The following CHD2 variants were observed in gnomAD, a reference collection of about 807,000 sequenced individuals.
CHD2 encodes the protein chromodomain helicase DNA binding protein 2.
In CHD2, 28 loss-of-function variants were observed where a neutral mutation model predicts 243.9. The ratio of observed to expected loss-of-function variants is 0.11; its 90% CI spans 0.09 to 0.16. The LOEUF (loss-of-function observed/expected upper bound fraction) is 0.16. CHD2 is among the 10% of genes least tolerant of loss of function. CHD2 has a pLI of 1.00. For synonymous variants in CHD2, 775 were observed against 779.0 expected (o/e 0.99, Z 0.09); for missense variants, 1,386 against 2,209.8 (o/e 0.63, Z 7.47).
chr15:93,014,402 C>T (rs961324818), intron 36 of CHD2, among the ~76,000 whole-genome samples: 15 of 152,118 alleles, frequency 9.9e-5, no homozygotes, highest in East Asian at 5.8e-4. Flanking sequence ...CTGAGAGTGC[C>T]GCCAGCCTGG....
intron 2 of CHD2, chr15:92,901,746 A>T: frequency 3.6e-6 from 1 of 277,676 alleles, no homozygotes; most frequent in Non-Finnish European, 6.6e-6. Flanking sequence ...TTGTAGTAGT[A>T]AATTATAGTA....
chr15:92,919,181 A>C (rs576729484), intron 2 of CHD2, among the ~76,000 whole-genome samples: 4 of 145,810 alleles, frequency 2.7e-5, no homozygotes, highest in African/African-American at 7.6e-5. Context: ...TTTTTTTTTG[A>C]GACGGAGTCT....
chr15:92,900,407 CT>C lies in CHD2; in HGVS notation c.-486del, dbSNP rs1351337425. Reference sequence around the variant, plus strand: ...CCTGCCTTTGCCTCACTTTACGCAACTTTCCCTAACTTTCGGGCAGCCTCAG... The same window carrying C: ...CCTGCCTTTGCCTCACTTTACGCAACTTCCCTAACTTTCGGGCAGCCTCAG... On this transcript the variant is annotated 5_prime_UTR_variant, in exon 1 of 39. Transcript: ENST00000394196. 2.5e-6 allele frequency: 1 copy of C among 395,064 alleles called. No homozygotes were observed. Among genetic ancestry groups the C allele is most frequent in the Non-Finnish European group, 4.5e-6 (1 of 224,326 alleles). 24.5% of individuals were successfully genotyped at this position (395,064 alleles called of 1,614,324 possible).
At chr15:92,949,163 A>C (rs940661975) in intron 13 of CHD2, 87 bp downstream of exon 13, 2 of 1,573,840 alleles carry the variant, frequency 1.3e-6, no homozygotes, top group Non-Finnish European at 1.7e-6. Flanking sequence ...TTCTTTTTTC[A>C]CACCCTTATT....
chr15:92,967,250 A>G, intron 16 of CHD2, 75 bp from the exon 17 acceptor site: 2 of 1,083,806 alleles, frequency 1.8e-6, no homozygotes, highest in Non-Finnish European at 2.6e-6. Flanking sequence ...GGAAAGATTC[A>G]TTTTTTTACA....
chr15:92,990,537 A>G lies in CHD2; in HGVS notation c.3414-939A>G, dbSNP rs56329926. ...TTGTTATTTAGACATAAAATATTTC[A>G]GTGTCTGTCAAGAAGGAGAAATGCA... On this transcript the variant is annotated intron_variant, in intron 26 of 38. Coordinates refer to ENST00000394196, the MANE Select transcript of CHD2 (RefSeq NM_001271.4). 5.1e-3 allele frequency among the ~76,000 whole-genome samples: 772 copies of G among 152,336 alleles called. 8 individuals carry two copies. The highest frequency in any genetic ancestry group is 0.018 in the African/African-American group (743 of 41,572).
At position 92,997,298 on chromosome 15, in the gene CHD2, G is replaced by T. The variant is rs2054200635; in HGVS notation, c.3780G>T (p.Glu1260Asp). ...CRVKAAHFDV[E>D]WGVEDDSRLL... is the part of the protein sequence containing the mutation. The stretch of plus-strand genomic sequence containing the variant: ...TCAAAGCTGCACATTTTGATGTAGA[G>T]TGGGGGGTGGAAGATGATTCTCGCC... The change falls in exon 30 of 39, where the codon GAG becomes GAT. Residue 1260 changes from glutamate to aspartate, a missense_variant. By Grantham distance (45) the Glu-to-Asp change is conservative. Transcript: ENST00000394196. The surrounding 1 kb of genome is among the most constrained non-coding windows in gnomAD (Gnocchi z 4.1). 6.2e-7 allele frequency: 1 copy of T among 1,613,888 alleles called. No homozygotes were observed. The highest frequency in any genetic ancestry group is 8.5e-7 in the Non-Finnish European group (1 of 1,179,990).
chr15:92,922,203 C>T (rs1366754507), intron 2 of CHD2, among the ~76,000 whole-genome samples: 1 of 152,154 alleles, frequency 6.6e-6, no homozygotes, highest in Non-Finnish European at 1.5e-5. Context: ...AATCCCGGCC[C>T]CTCACCCTCT....
At chr15:92,903,708 AG>A (rs2052564444) in intron 2 of CHD2, among the ~76,000 whole-genome samples, 1 of 152,104 alleles carries the variant, frequency 6.6e-6, no homozygotes, top group Non-Finnish European at 1.5e-5. Context: ...GGATAACTTA[AG>A]TAACATCAAA....
Position 92,972,783 on chromosome 15 carries a change from G to A in CHD2, c.2505+366G>A, listed in dbSNP as rs1226047817. On this transcript the variant is annotated intron_variant, in intron 19 of 38. Transcript: ENST00000394196. ...GGAGAATGGCGTGAACCCGGGAGGC[G>A]GAGCTTGCAGTGAGCCGAGATCCCG... Among the ~76,000 whole-genome samples, 19 of 12,738 alleles carry A rather than the reference G, an allele frequency of 1.5e-3. 4 individuals are homozygous for A. Among genetic ancestry groups the A allele is most frequent in the African/African-American group, 2.2e-3 (19 of 8,518 alleles). 8.4% of individuals were successfully genotyped at this position (12,738 alleles called of 152,430 possible).
At chr15:92,919,048 G>C (rs2052901062) in intron 2 of CHD2, among the ~76,000 whole-genome samples, 1 of 152,082 alleles carries the variant, frequency 6.6e-6, no homozygotes, top group African/African-American at 2.4e-5. Context: ...TACAGGCTGG[G>C]TTTCACCGTG....
Position 92,923,499 on chromosome 15 carries a change from A to G in CHD2, c.63-822A>G, listed in dbSNP as rs183559472. Among the ~76,000 whole-genome samples the G allele has an allele frequency of 2.0e-3, 296 of 150,944 alleles. 1 individual carries two copies. The highest frequency in any genetic ancestry group is 6.3e-3 in the African/African-American group (257 of 41,026). On this transcript the variant is annotated intron_variant, in intron 2 of 38. Coordinates refer to ENST00000394196, the MANE Select transcript of CHD2 (RefSeq NM_001271.4). ...GGTCTTGAACTCCTGGGCTCAAGCA[A>G]TCTTCCTGCCTAGGCTTCCCAAAGT...
intron 38 of CHD2, among the ~76,000 whole-genome samples, chr15:93,023,918 A>G (rs879780297): frequency 1.4e-5 from 2 of 138,336 alleles, no homozygotes; most frequent in Non-Finnish European, 3.3e-5. Context: ...GCAGTTTACC[A>G]TGGTCCAAGC....
At chr15:92,991,784 C>T (rs530134631) in intron 27 of CHD2, 12 of 301,578 alleles carry the variant, frequency 4.0e-5, no homozygotes, top group East Asian at 1.1e-4. Flanking sequence ...AACCATAGTG[C>T]GTGAAATAAT....
At chr15:92,975,743 T>C (rs1164106129) in intron 20 of CHD2, among the ~76,000 whole-genome samples, 2 of 152,136 alleles carry the variant, frequency 1.3e-5, no homozygotes, top group Non-Finnish European at 2.9e-5. Flanking sequence ...CTGTGCCTGT[T>C]ACTACAGAAT....
At chr15:93,002,487 A>G (rs186209989) in intron 33 of CHD2, among the ~76,000 whole-genome samples, 170 bp downstream of exon 33, 2 of 152,304 alleles carry the variant, frequency 1.3e-5, no homozygotes, top group Admixed American at 6.5e-5. Context: ...CCTTGCAGAG[A>G]GAGGGGAACC....
intron 2 of CHD2, among the ~76,000 whole-genome samples, chr15:92,914,121 G>A (rs1034543286): frequency 6.6e-6 from 1 of 152,156 alleles, no homozygotes; most frequent in Non-Finnish European, 1.5e-5. Context: ...GCTAACTAAA[G>A]ACAAGACTCA....
In CHD2 at chr15:92,981,519, A is replaced by G. The variant is rs531479372; in HGVS notation, c.3066+62A>G. The G allele has an allele frequency of 2.4e-5, 32 of 1,317,352 alleles. No individual in the cohort carries two copies. The South Asian group carries it at 3.6e-4, about 15-fold the overall frequency. The allele number at this position is 1,317,352 out of a possible 1,614,324, so 81.6% of individuals were successfully genotyped here. ...GATTCATTAATGATGACTAATGTTT[A>G]TGAACGCTTTCTTTGTGCTAGGCGC... On this transcript the variant is annotated intron_variant, in intron 24 of 38. Coordinates refer to ENST00000394196, the MANE Select transcript of CHD2 (RefSeq NM_001271.4).
rs747399398 is a variant in CHD2 at position 93,000,577 on chromosome 15, G to A, written c.4074G>A (p.Glu1358=). The change falls in exon 32 of 39, where the codon GAG becomes GAA. Residue 1358 remains glutamate (E), a synonymous_variant. Transcript: ENST00000394196. The part of the protein sequence containing the change: ...KENKVPRLKE[E]HGIELSSPRH... Reference sequence around the variant, plus strand: ...ACAAAGTGCCCAGGCTGAAAGAGGAGCATGGAATTGAGCTTTCATCTCCTA... The same window carrying A: ...ACAAAGTGCCCAGGCTGAAAGAGGAACATGGAATTGAGCTTTCATCTCCTA... 1.1e-5 allele frequency: 18 copies of A among 1,613,870 alleles called. 1 individual carries two copies. Among genetic ancestry groups the A allele is most frequent in the Middle Eastern group, 1.7e-4 (1 of 6,060 alleles).
Sources: allele counts gnomAD v4.1 joint callset (sites outside exome capture counted in the v4.1 genomes callset), GRCh38; gene constraint gnomAD v4.1.1; non-coding constraint Gnocchi (gnomAD v3.1); transcripts MANE v1.5; gene names NCBI Gene and HGNC (gene_info 2026-07-23, HGNC 2026-07-21).